The following RPN2 variants were observed in gnomAD, a reference collection of about 807,000 sequenced individuals.
The protein encoded by RPN2 is dolichyl-diphosphooligosaccharide--protein glycosyltransferase subunit 2.
RPN2 carries 29 observed loss-of-function variants against 71.4 expected under a neutral mutation model. The observed-to-expected ratio is 0.41, with a 90% confidence interval of 0.30 to 0.55. The LOEUF (loss-of-function observed/expected upper bound fraction) is 0.55, where lower values mean the gene tolerates loss of function less well. Ranked by LOEUF, RPN2 falls within the 20% of genes least tolerant of loss-of-function variation. The pLI is 0.35. For synonymous variants in RPN2, 308 were observed against 305.0 expected (o/e 1.01, Z -0.10); for missense variants, 726 against 774.1 (o/e 0.94, Z 0.74).
intron 1 of RPN2, among the ~76,000 whole-genome samples, chr20:37,181,611 G>T (rs1309438497): frequency 1.3e-5 from 2 of 152,038 alleles, no homozygotes; most frequent in East Asian, 3.9e-4. Flanking sequence ...TAGACATGGG[G>T]TTTCACCATG....
At chr20:37,211,772 G>A (rs146604203) in intron 8 of RPN2, among the ~76,000 whole-genome samples, 1 of 146,926 alleles carries the variant, frequency 6.8e-6, no homozygotes, top group African/African-American at 2.5e-5. Context: ...TACTCTTGTT[G>A]CCCAGGCTGG....
intron 9 of RPN2, among the ~76,000 whole-genome samples, chr20:37,219,651 T>A (rs2067903471): frequency 6.6e-6 from 1 of 152,212 alleles, no homozygotes. Context: ...TAATCCAAGG[T>A]TAAGAAGATT....
At chr20:37,211,836 C>T (rs2067678255) in intron 8 of RPN2, among the ~76,000 whole-genome samples, 1 of 151,914 alleles carries the variant, frequency 6.6e-6, no homozygotes, top group East Asian at 1.9e-4. Flanking sequence ...CTCCCAGCTT[C>T]AAATGATTCT....
chr20:37,211,405 A>G (rs2146613533), intron 8 of RPN2, among the ~76,000 whole-genome samples: 1 of 150,110 alleles, frequency 6.7e-6, no homozygotes, highest in Admixed American at 6.6e-5. Flanking sequence ...TGGGGGGGCC[A>G]AGGTGGGCGG....
chr20:37,212,723 C>G (rs1342469041), intron 8 of RPN2, among the ~76,000 whole-genome samples: 2 of 152,052 alleles, frequency 1.3e-5, no homozygotes, highest in Non-Finnish European at 2.9e-5. Context: ...TAAAGTGACC[C>G]GCCTGCCTTG....
At chr20:37,190,064 G>C (rs1354692712) in intron 2 of RPN2, among the ~76,000 whole-genome samples, 2 of 152,178 alleles carry the variant, frequency 1.3e-5, no homozygotes, top group African/African-American at 4.8e-5. Context: ...GGATTTGAAT[G>C]CAGGATGAAA....
At chr20:37,233,895 T>C (rs1001364250) in intron 14 of RPN2, 125 bp from the exon 15 acceptor site, 39 of 1,048,288 alleles carry the variant, frequency 3.7e-5, no homozygotes, top group Non-Finnish European at 5.6e-5. Flanking sequence ...AAGAATTGCC[T>C]GTCCTTCTAG....
chr20:37,184,970 A>G (rs994316687), intron 2 of RPN2, among the ~76,000 whole-genome samples: 1 of 152,118 alleles, frequency 6.6e-6, no homozygotes, highest in African/African-American at 2.4e-5. Flanking sequence ...TAACACATGT[A>G]CTTACTAAGT....
At chr20:37,219,968 T>C (rs996043597) in intron 9 of RPN2, among the ~76,000 whole-genome samples, 4 of 152,230 alleles carry the variant, frequency 2.6e-5, no homozygotes, top group Admixed American at 6.5e-5. Context: ...CAGCTTGGCA[T>C]TTTGTAACAT....
At chr20:37,204,984 A>G (rs2067479849) in intron 6 of RPN2, 83 bp downstream of exon 6, 1 of 1,591,168 alleles carries the variant, frequency 6.3e-7, no homozygotes, top group African/African-American at 1.3e-5. Context: ...TCAGAGAGGA[A>G]TGTTCAGACA....
intron 14 of RPN2, among the ~76,000 whole-genome samples, chr20:37,233,555 G>A (rs1291392869): frequency 1.3e-5 from 2 of 152,082 alleles, no homozygotes; most frequent in African/African-American, 2.4e-5. Flanking sequence ...CCAGACCTAG[G>A]GTATGGGCAC....
chr20:37,206,713 T>G (rs1397871369), intron 6 of RPN2, among the ~76,000 whole-genome samples: 2 of 152,144 alleles, frequency 1.3e-5, no homozygotes, highest in Non-Finnish European at 2.9e-5. Flanking sequence ...TAAGCATTAT[T>G]ATGATTTTTT....
Position 37,207,352 on chromosome 20 carries a change from C to G in RPN2, c.770C>G (p.Ser257Cys). The G allele has an allele frequency of 6.2e-7, 1 of 1,614,130 alleles. No homozygotes were observed. The highest frequency in any genetic ancestry group is 8.5e-7 in the Non-Finnish European group (1 of 1,179,906). ...ESLSEAFSVA[S>C]AAAVLSHNRY... The stretch of plus-strand genomic sequence containing the variant: ...CTCTCCGAAGCCTTCAGCGTGGCCT[C>G]TGCAGCTGCTGTGCTCTCGCATAAT... Residue 257 changes from serine to cysteine, a missense_variant, in exon 7 of 17, where the codon TCT (serine) becomes TGT (cysteine). By Grantham distance (112) the Ser-to-Cys change is moderately radical. Transcript: ENST00000237530.
intron 3 of RPN2, among the ~76,000 whole-genome samples, chr20:37,198,708 G>GT (rs1357605285): frequency 6.6e-6 from 1 of 151,420 alleles, no homozygotes; most frequent in Non-Finnish European, 1.5e-5. Flanking sequence ...TTTTTGTACA[G>GT]TTTTTGCTTT....
At chr20:37,220,210 T>TGA (rs144403550) in intron 9 of RPN2, among the ~76,000 whole-genome samples, 15 of 151,028 alleles carry the variant, frequency 9.9e-5, no homozygotes, top group South Asian at 2.1e-4. Flanking sequence ...TGTGTGAGTG[T>TGA]GAGAGAGAGA....
chr20:37,228,452 A>G, intron 11 of RPN2, 98 bp from the exon 12 acceptor site: 7 of 1,157,744 alleles, frequency 6.0e-6, no homozygotes, highest in Non-Finnish European at 9.0e-6. Context: ...CACTGTGACA[A>G]AGCGCTAATA....
At chr20:37,195,217 G>T (rs1161255475) in intron 2 of RPN2, among the ~76,000 whole-genome samples, 1 of 152,180 alleles carries the variant, frequency 6.6e-6, no homozygotes, top group African/African-American at 2.4e-5. Flanking sequence ...TCAGCACTGG[G>T]TGGGCTCACT....
At chr20:37,214,272 C>T (rs770601195) in intron 9 of RPN2, among the ~76,000 whole-genome samples, 9 of 152,108 alleles carry the variant, frequency 5.9e-5, no homozygotes, top group African/African-American at 2.2e-4. Flanking sequence ...GTGACACATA[C>T]GTAACACTAT....
intron 14 of RPN2, among the ~76,000 whole-genome samples, chr20:37,233,121 G>T (rs1170119028): frequency 6.6e-6 from 1 of 152,064 alleles, no homozygotes; most frequent in East Asian, 1.9e-4. Context: ...TACTTGAGGA[G>T]CTGAGGTGGG....
Sources: gnomAD v4.1 joint callset for allele counts (sites outside exome capture counted in the v4.1 genomes callset) on GRCh38, gnomAD v4.1.1 for gene constraint, MANE v1.5 for transcripts, NCBI Gene and HGNC (gene_info 2026-07-23, HGNC 2026-07-21) for gene names.